The following LUZP2 variants were observed in gnomAD, a reference collection of about 807,000 sequenced individuals.
LUZP2 encodes the protein leucine zipper protein 2.
A neutral mutation model predicts 51.6 loss-of-function variants in LUZP2; 52 were observed. The ratio of observed to expected loss-of-function variants is 1.01; its 90% CI spans 0.81 to 1.27. The LOEUF (loss-of-function observed/expected upper bound fraction) is 1.27. LUZP2 is among the 50% of genes most tolerant of loss of function. The pLI is 0.00. For synonymous variants in LUZP2, 154 were observed against 137.3 expected (o/e 1.12, Z -0.85); for missense variants, 436 against 395.4 (o/e 1.10, Z -0.87).
At chr11:24,913,534 TG>T (rs758496229) in intron 6 of LUZP2, among the ~76,000 whole-genome samples, 1 of 152,148 alleles carries the variant, frequency 6.6e-6, no homozygotes, top group South Asian at 2.1e-4. Context: ...CATATTGCAG[TG>T]TAATGCAATG....
chr11:25,038,794 T>C (rs1381954139), intron 9 of LUZP2, among the ~76,000 whole-genome samples: 4 of 152,208 alleles, frequency 2.6e-5, no homozygotes, highest in African/African-American at 9.7e-5. Flanking sequence ...TTAACTGTGG[T>C]GTAAATCGAA....
At chr11:24,891,666 G>T in intron 5 of LUZP2, 7 of 761,494 alleles carry the variant, frequency 9.2e-6, no homozygotes, top group Non-Finnish European at 1.1e-5. Flanking sequence ...ATTCTATCAG[G>T]AATAACACTG....
At chr11:24,686,519 T>G (rs1202606727) in intron 1 of LUZP2, among the ~76,000 whole-genome samples, 1 of 152,216 alleles carries the variant, frequency 6.6e-6, no homozygotes, top group Non-Finnish European at 1.5e-5. Context: ...AAGATCACTC[T>G]CTTACTGTGT....
intron 1 of LUZP2, among the ~76,000 whole-genome samples, chr11:24,582,831 A>G (rs1358164048): frequency 6.6e-6 from 1 of 152,086 alleles, no homozygotes; most frequent in African/African-American, 2.4e-5. Flanking sequence ...TCTTGTATGA[A>G]GAGTTATAAG....
rs1405299817 is a variant in LUZP2 at position 24,919,442 on chromosome 11, A to T, written c.522+4904A>T. ...ATATTGATAATATATGTTATATATTATATATGACATATATTGATAATATAT... is the reference window on the plus strand; with the variant it reads ...ATATTGATAATATATGTTATATATTTTATATGACATATATTGATAATATAT... On this transcript the variant is annotated intron_variant, in intron 7 of 11. Coordinates refer to ENST00000336930, the MANE Select transcript of LUZP2 (RefSeq NM_001009909.4). 2.6e-4 allele frequency among the ~76,000 whole-genome samples: 30 copies of T among 116,618 alleles called. 2 individuals carry two copies. Among genetic ancestry groups the T allele is most frequent in the African/African-American group, 9.3e-4 (28 of 30,004 alleles). 76.5% of individuals were successfully genotyped at this position (116,618 alleles called of 152,430 possible).
intron 1 of LUZP2, among the ~76,000 whole-genome samples, chr11:24,507,231 C>G (rs1464232143): frequency 6.6e-6 from 1 of 151,902 alleles, no homozygotes; most frequent in African/African-American, 2.4e-5. Context: ...ATGGAACTTC[C>G]TATGTATATG....
chr11:24,811,181 C>T (rs1850008183), intron 5 of LUZP2, among the ~76,000 whole-genome samples: 1 of 152,084 alleles, frequency 6.6e-6, no homozygotes, highest in African/African-American at 2.4e-5. Flanking sequence ...GCCCTTCTGC[C>T]CTACTGTGAT....
chr11:25,062,197 A>G (rs1204998847), intron 10 of LUZP2, among the ~76,000 whole-genome samples: 1 of 147,134 alleles, frequency 6.8e-6, no homozygotes, highest in Non-Finnish European at 1.5e-5. Context: ...AGAGAGAGAG[A>G]GGTAGAAATA....
chr11:24,748,466 T>A (rs1859459096), intron 4 of LUZP2, among the ~76,000 whole-genome samples: 1 of 129,802 alleles, frequency 7.7e-6, no homozygotes, highest in Non-Finnish European at 1.7e-5. Context: ...TTAACTTCCT[T>A]TTTTTTTTTT....
Position 24,972,725 on chromosome 11 carries a change from C to T in LUZP2, c.523-3866C>T, listed in dbSNP as rs150970695. 2.6e-5 allele frequency among the ~76,000 whole-genome samples: 4 copies of T among 152,106 alleles called. No individual in the cohort carries two copies. In the East Asian group the frequency reaches 7.8e-4, roughly 30 times the overall value. ...TAGTTCTGTTTATGTGATGAATTTA[C>T]ATTTACTGATTTGTGTATGTTGAAC... is the stretch of plus-strand genomic sequence containing the variant. On this transcript the variant is annotated intron_variant, in intron 7 of 11. Coordinates refer to ENST00000336930, the MANE Select transcript of LUZP2 (RefSeq NM_001009909.4).
intron 1 of LUZP2, among the ~76,000 whole-genome samples, chr11:24,584,256 C>T (rs1479879320): frequency 6.6e-6 from 1 of 152,142 alleles, no homozygotes; most frequent in African/African-American, 2.4e-5. Flanking sequence ...ACGCATAAAC[C>T]TCATGTCTTC....
At position 24,978,076 on chromosome 11, in the gene LUZP2, G is replaced by T. The variant is rs184086494; in HGVS notation, c.597+1411G>T. Among the ~76,000 whole-genome samples, 4 of 151,590 alleles carry T rather than the reference G, an allele frequency of 2.6e-5. No homozygotes were observed. The Admixed American group carries it at 2.6e-4, about 10-fold the overall frequency. On this transcript the variant is annotated intron_variant, in intron 8 of 11. Coordinates refer to ENST00000336930, the MANE Select transcript of LUZP2 (RefSeq NM_001009909.4). ...ACATTTAGCAATTTTGTAAGGAAAG[G>T]AGCTTACCTTCTAACCATCAGTTTG...
At chr11:24,772,861 T>C (rs773887198) in intron 5 of LUZP2, among the ~76,000 whole-genome samples, 64 of 152,196 alleles carry the variant, frequency 4.2e-4, no homozygotes, top group African/African-American at 8.4e-4. Context: ...TGTGCCTCTA[T>C]GTCTTTGTGT....
At chr11:24,608,015 A>AT (rs199542967) in intron 1 of LUZP2, among the ~76,000 whole-genome samples, 6,496 of 151,560 alleles carry the variant, frequency 0.043, 265 homozygotes, top group East Asian at 0.21. Flanking sequence ...CGCCCAGCTA[A>AT]TTTTTTTGTA....
chr11:24,596,173 T>C lies in LUZP2; in HGVS notation c.62+98868T>C, dbSNP rs540367820. 1.3e-4 allele frequency among the ~76,000 whole-genome samples: 20 copies of C among 152,320 alleles called. No individual in the cohort carries two copies. In the South Asian group the frequency reaches 2.1e-3, roughly 16 times the overall value. ...GAATATAATCCCAAGGCACCAGCTT[T>C]ATATTTCTTGAAGCATCAATTCAGT... On this transcript the variant is annotated intron_variant, in intron 1 of 11. Coordinates refer to ENST00000336930, the MANE Select transcript of LUZP2 (RefSeq NM_001009909.4).
At chr11:24,612,784 A>G (rs1590241862) in intron 1 of LUZP2, among the ~76,000 whole-genome samples, 1 of 152,128 alleles carries the variant, frequency 6.6e-6, no homozygotes, top group African/African-American at 2.4e-5. Flanking sequence ...ACAGATTATA[A>G]GAGACATTTT....
intron 5 of LUZP2, among the ~76,000 whole-genome samples, chr11:24,772,056 A>G (rs1860442046): frequency 6.6e-6 from 1 of 152,124 alleles, no homozygotes; most frequent in Non-Finnish European, 1.5e-5. Flanking sequence ...ATGCTTAAAG[A>G]CCCCACAATA....
chr11:25,034,161 A>G (rs371160659), intron 9 of LUZP2, among the ~76,000 whole-genome samples: 7 of 152,052 alleles, frequency 4.6e-5, no homozygotes, highest in Non-Finnish European at 8.8e-5. Flanking sequence ...TTTGATTTGC[A>G]TTTCTCTTAT....
At chr11:24,634,560 A>ATCATC (rs983900985) in intron 1 of LUZP2, among the ~76,000 whole-genome samples, 2 of 151,982 alleles carry the variant, frequency 1.3e-5, no homozygotes, top group Admixed American at 6.6e-5. Flanking sequence ...GTAACTAAGT[A>ATCATC]TCATCTTCAA....
Sources: gnomAD v4.1 joint callset for allele counts (sites outside exome capture counted in the v4.1 genomes callset) on GRCh38, gnomAD v4.1.1 for gene constraint, MANE v1.5 for transcripts, NCBI Gene and HGNC (gene_info 2026-07-23, HGNC 2026-07-21) for gene names.